Variants in DLGAP2 observed in about 807,000 individuals in gnomAD.
DLGAP2 encodes disks large-associated protein 2.
A neutral mutation model predicts 100.3 loss-of-function variants in DLGAP2; 26 were observed. The observed-to-expected ratio is 0.26, with a 90% confidence interval of 0.19 to 0.36. DLGAP2 has a LOEUF of 0.36. Ranked by LOEUF, DLGAP2 falls within the 10% of genes least tolerant of loss-of-function variation. DLGAP2 has a pLI of 1.00. For missense variants in DLGAP2, 1,858 were observed against 1,453.2 expected (o/e 1.28, Z -4.53); for synonymous variants, 886 against 630.1 (o/e 1.41, Z -6.08).
At chr8:996,342 C>G (rs1425764567) in intron 2 of DLGAP2, among the ~76,000 whole-genome samples, 3 of 152,126 alleles carry the variant, frequency 2.0e-5, no homozygotes, top group Admixed American at 6.5e-5. Flanking sequence ...TCCGAGGGCC[C>G]CAGTGTCACC....
At chr8:1,074,881 G>T (rs1003869045) in intron 2 of DLGAP2, among the ~76,000 whole-genome samples, 2 of 152,188 alleles carry the variant, frequency 1.3e-5, no homozygotes, top group Non-Finnish European at 2.9e-5. Flanking sequence ...CACCAGCAGG[G>T]TCCTGCATGG....
chr8:777,706 C>T (rs1390793523), intron 1 of DLGAP2, among the ~76,000 whole-genome samples: 9 of 152,126 alleles, frequency 5.9e-5, no homozygotes, highest in Non-Finnish European at 1.2e-4. Context: ...TGTAGGGTTT[C>T]TGCCGAGAGA....
At chr8:1,003,051 GGTCCCTGA>G (rs1343160160) in intron 2 of DLGAP2, 3 of 152,254 alleles carry the variant, frequency 2.0e-5, no homozygotes, top group Admixed American at 6.6e-5. Context: ...GGCGGTTCGG[GGTCCCTGA>G]GTCCCTGAGC....
intron 1 of DLGAP2, among the ~76,000 whole-genome samples, chr8:754,527 T>G (rs963646327): frequency 2.6e-5 from 4 of 152,200 alleles, no homozygotes; most frequent in African/African-American, 7.2e-5. Context: ...ATAATATTAC[T>G]TAGACGTCCA....
At chr8:1,613,747 G>A (rs78997312) in intron 6 of DLGAP2, among the ~76,000 whole-genome samples, 1 of 152,158 alleles carries the variant, frequency 6.6e-6, no homozygotes, top group South Asian at 2.1e-4. Flanking sequence ...AACCTGTTCT[G>A]TACTGCTTCG....
chr8:1,293,557 C>G (rs931875423), intron 3 of DLGAP2, among the ~76,000 whole-genome samples: 5 of 152,160 alleles, frequency 3.3e-5, no homozygotes, highest in East Asian at 1.9e-4. Flanking sequence ...GTGAAATAAC[C>G]TACGTATTTC....
At chr8:1,263,990 T>A (rs753667568) in intron 3 of DLGAP2, among the ~76,000 whole-genome samples, 5 of 152,158 alleles carry the variant, frequency 3.3e-5, no homozygotes, top group Non-Finnish European at 7.3e-5. Flanking sequence ...TGAACATGGT[T>A]AGGGTTTTGG....
At chr8:1,480,254 G>C (rs78369871) in intron 3 of DLGAP2, among the ~76,000 whole-genome samples, 1 of 152,162 alleles carries the variant, frequency 6.6e-6, no homozygotes, top group East Asian at 1.9e-4. Context: ...GCCGGGTCTT[G>C]TTTTTATGTC....
intron 2 of DLGAP2, among the ~76,000 whole-genome samples, chr8:1,225,163 C>T (rs557611342): frequency 5.3e-5 from 8 of 152,148 alleles, no homozygotes; most frequent in Non-Finnish European, 7.3e-5. Flanking sequence ...GCATGATAGC[C>T]GAAGGGGAAC....
Position 1,267,586 on chromosome 8 carries a change from AATAAGATAAGATAAG to A in DLGAP2, c.106+8728_106+8742del, listed in dbSNP as rs1186600186. 2.9e-4 allele frequency among the ~76,000 whole-genome samples: 14 copies of A among 48,406 alleles called. No individual in the cohort carries two copies. The East Asian group carries it at 3.8e-3, about 13-fold the overall frequency. The allele number at this position is 48,406 out of a possible 152,430, so 31.8% of individuals were successfully genotyped here. A position where few individuals can be genotyped will look rare whatever the true frequency, so the allele number is the denominator to read the frequency against. On this transcript the variant is annotated intron_variant, in intron 3 of 14. Transcript: ENST00000637795. ...AATAAAATAAAATAAAATAAAATAAAATAAGATAAGATAAGATAAGATAAGATAAGATAAGATAAA... is the reference window on the plus strand; with the variant it reads ...AATAAAATAAAATAAAATAAAATAAAATAAGATAAGATAAGATAAGATAAA...
At chr8:1,031,782 G>A (rs1379134375) in intron 2 of DLGAP2, among the ~76,000 whole-genome samples, 2 of 152,198 alleles carry the variant, frequency 1.3e-5, no homozygotes, top group African/African-American at 4.8e-5. Context: ...TTAAGAATGA[G>A]TTTACCAAAA....
intron 4 of DLGAP2, among the ~76,000 whole-genome samples, chr8:1,524,676 C>A (rs1800728436): frequency 6.6e-6 from 1 of 152,142 alleles, no homozygotes; most frequent in African/African-American, 2.4e-5. Flanking sequence ...CATATAATCA[C>A]ATAAAAAACC....
At chr8:739,560 G>A (rs1037272020) in intron 1 of DLGAP2, 1 of 152,198 alleles carries the variant, frequency 6.6e-6, no homozygotes, top group African/African-American at 2.4e-5. Context: ...CTCTGAGAAA[G>A]GTAATAGATA....
chr8:1,536,790 A>T (rs1423940392), intron 4 of DLGAP2, among the ~76,000 whole-genome samples: 1 of 152,022 alleles, frequency 6.6e-6, no homozygotes, highest in Non-Finnish European at 1.5e-5. Flanking sequence ...CCACCTCTTT[A>T]TTTTTATTTC....
intron 1 of DLGAP2, among the ~76,000 whole-genome samples, chr8:797,641 T>C (rs192447261): frequency 2.0e-5 from 3 of 152,336 alleles, no homozygotes; most frequent in East Asian, 3.9e-4. Context: ...ACAGCCCTCA[T>C]TGATGGCTGC....
At chr8:1,568,999 C>T (rs1380420080) in intron 6 of DLGAP2, among the ~76,000 whole-genome samples, 1 of 150,490 alleles carries the variant, frequency 6.6e-6, no homozygotes, top group Non-Finnish European at 1.5e-5. Flanking sequence ...CCTGTGGCCC[C>T]CATGCCACTG....
intron 3 of DLGAP2, among the ~76,000 whole-genome samples, chr8:1,365,666 G>C (rs1489926351): frequency 6.6e-6 from 1 of 152,192 alleles, no homozygotes; most frequent in Non-Finnish European, 1.5e-5. Context: ...AGTGTGCCGA[G>C]CCAAGCAAAA....
intron 2 of DLGAP2, among the ~76,000 whole-genome samples, chr8:1,220,563 G>C (rs1485710382): frequency 1.3e-5 from 2 of 152,128 alleles, no homozygotes; most frequent in African/African-American, 2.4e-5. Flanking sequence ...GTGGAGATGA[G>C]ACTATATATT....
chr8:1,186,105 G>A (rs1402642387), intron 2 of DLGAP2, among the ~76,000 whole-genome samples: 1 of 152,210 alleles, frequency 6.6e-6, no homozygotes, highest in African/African-American at 2.4e-5. Flanking sequence ...TCCCCACTCG[G>A]TGGCCTCGCC....
Sources: gnomAD v4.1 joint callset for allele counts (sites outside exome capture counted in the v4.1 genomes callset) on GRCh38, gnomAD v4.1.1 for gene constraint, MANE v1.5 for transcripts, NCBI Gene and HGNC (gene_info 2026-07-23, HGNC 2026-07-21) for gene names.